HS3ST4: variants seen among roughly 807,000 people sequenced by gnomAD.
HS3ST4 encodes the protein heparan sulfate glucosamine 3-O-sulfotransferase 4.
A neutral mutation model predicts 29.2 loss-of-function variants in HS3ST4; 17 were observed. The observed-to-expected ratio is 0.58, with a 90% CI of 0.40 to 0.87. HS3ST4 has a LOEUF of 0.87. HS3ST4 is among the 40% of genes least tolerant of loss of function. HS3ST4 has a pLI of 0.00. For missense variants in HS3ST4, 627 were observed against 634.5 expected (o/e 0.99, Z 0.13); for synonymous variants, 314 against 285.7 (o/e 1.10, Z -1.00).
At chr16:25,805,953 A>G (rs981505593) in intron 1 of HS3ST4, among the ~76,000 whole-genome samples, 13 of 152,082 alleles carry the variant, frequency 8.5e-5, no homozygotes, top group African/African-American at 2.9e-4. Flanking sequence ...AGAACATAAC[A>G]GTGTTTGGTT....
chr16:26,050,674 A>T (rs1180053312), intron 1 of HS3ST4, among the ~76,000 whole-genome samples: 1 of 152,084 alleles, frequency 6.6e-6, no homozygotes, highest in Non-Finnish European at 1.5e-5. Flanking sequence ...GAGCAATTTG[A>T]GCTCCTTGAG....
intron 1 of HS3ST4, among the ~76,000 whole-genome samples, chr16:26,075,065 C>T (rs773444457): frequency 5.9e-5 from 9 of 152,082 alleles, no homozygotes; most frequent in East Asian, 5.8e-4. Context: ...TGGTGGTACG[C>T]GCCTGTAGTC....
At chr16:26,047,658 C>G (rs1212762108) in intron 1 of HS3ST4, among the ~76,000 whole-genome samples, 1 of 152,178 alleles carries the variant, frequency 6.6e-6, no homozygotes, top group Non-Finnish European at 1.5e-5. Flanking sequence ...GTCTCCAAAG[C>G]CCTGTTTTCT....
intron 1 of HS3ST4, among the ~76,000 whole-genome samples, chr16:25,735,643 G>C (rs1429931119): frequency 1.3e-5 from 2 of 152,080 alleles, no homozygotes; most frequent in Non-Finnish European, 2.9e-5. Flanking sequence ...CTCCTGCCGT[G>C]GCCTCCCTAA....
intron 1 of HS3ST4, among the ~76,000 whole-genome samples, chr16:26,071,271 A>C (rs7186008): frequency 0.14 from 21,681 of 152,084 alleles, 1,714 homozygotes; most frequent in Non-Finnish European, 0.17. Flanking sequence ...TGAGGGAGAA[A>C]GGGGTCAGGT....
chr16:25,815,513 G>A lies in HS3ST4; in HGVS notation c.734+122362G>A, dbSNP rs975705294. Among the ~76,000 whole-genome samples, 10 of 152,136 alleles carry A rather than the reference G, an allele frequency of 6.6e-5. No homozygotes were observed. The South Asian group carries it at 1.5e-3, about 22-fold the overall frequency. On this transcript the variant is annotated intron_variant, in intron 1 of 1. Transcript: ENST00000331351. ...TAATTTTTGTACTTTTAGTAGAGAC[G>A]GGATTTCACCTTGTTGGCCAGGCTA...
At chr16:25,736,872 G>A (rs1966613414) in intron 1 of HS3ST4, among the ~76,000 whole-genome samples, 1 of 151,668 alleles carries the variant, frequency 6.6e-6, no homozygotes, top group Admixed American at 6.6e-5. Flanking sequence ...TTTTGGGGAT[G>A]GAGTCTCACA....
At chr16:25,895,157 G>A (rs1224200066) in intron 1 of HS3ST4, among the ~76,000 whole-genome samples, 1 of 152,032 alleles carries the variant, frequency 6.6e-6, no homozygotes, top group East Asian at 1.9e-4. Flanking sequence ...GTGTGTGTGT[G>A]TGTGCTCACA....
intron 1 of HS3ST4, among the ~76,000 whole-genome samples, chr16:25,769,691 C>T (rs1404308620): frequency 6.6e-6 from 1 of 152,194 alleles, no homozygotes; most frequent in Non-Finnish European, 1.5e-5. Context: ...GCTGTTAGTA[C>T]TTGAAGTACA....
chr16:26,000,516 C>T (rs552425314), intron 1 of HS3ST4, among the ~76,000 whole-genome samples: 5 of 152,160 alleles, frequency 3.3e-5, no homozygotes, highest in Non-Finnish European at 7.4e-5. Flanking sequence ...CTTGTATTGG[C>T]CAGCCCTGGT....
chr16:26,132,539 G>A (rs1899434179), intron 1 of HS3ST4, among the ~76,000 whole-genome samples: 1 of 152,082 alleles, frequency 6.6e-6, no homozygotes, highest in Admixed American at 6.6e-5. Context: ...CATCTACTCT[G>A]CTAAATCTAC....
rs191023234 is a variant in HS3ST4, at chr16:26,033,937, G to A, written c.735-101675G>A. On this transcript the variant is annotated intron_variant, in intron 1 of 1. Transcript: ENST00000331351. ...GATTATGTGAACAAAGAAAGGAAAT[G>A]TGGTTGGTAAGAGAACACTTTGCAT... 2.0e-5 allele frequency among the ~76,000 whole-genome samples: 3 copies of A among 152,296 alleles called. No homozygotes were observed. In the East Asian group the frequency reaches 5.8e-4, roughly 29 times the overall value.
chr16:25,729,671 C>T (rs985845533), intron 1 of HS3ST4, among the ~76,000 whole-genome samples: 3 of 152,126 alleles, frequency 2.0e-5, no homozygotes, highest in African/African-American at 7.2e-5. Context: ...CTTCTTTTCC[C>T]TGAGTTATTA....
At chr16:25,842,634 TAATTAGG>T (rs1967427057) in intron 1 of HS3ST4, among the ~76,000 whole-genome samples, 1 of 152,174 alleles carries the variant, frequency 6.6e-6, no homozygotes, top group Admixed American at 6.5e-5. Flanking sequence ...TATTAGGAAG[TAATTAGG>T]AAGTATGGGT....
intron 1 of HS3ST4, among the ~76,000 whole-genome samples, chr16:25,952,892 T>C (rs1968695576): frequency 6.7e-6 from 1 of 148,656 alleles, no homozygotes; most frequent in Non-Finnish European, 1.5e-5. Context: ...TTCTATGAGT[T>C]TGCAGTGTCC....
At chr16:25,794,100 C>A (rs1235162944) in intron 1 of HS3ST4, among the ~76,000 whole-genome samples, 1 of 151,906 alleles carries the variant, frequency 6.6e-6, no homozygotes, top group African/African-American at 2.4e-5. Context: ...TTTTCTTGAC[C>A]AGTCTTGGAT....
intron 1 of HS3ST4, among the ~76,000 whole-genome samples, chr16:26,094,903 T>C (rs943331423): frequency 2.7e-5 from 4 of 150,224 alleles, no homozygotes; most frequent in Non-Finnish European, 4.4e-5. Context: ...AGGCTCAAAA[T>C]AAAGGGATGG....
chr16:25,869,070 A>G (rs1477697410), intron 1 of HS3ST4, among the ~76,000 whole-genome samples: 1 of 152,146 alleles, frequency 6.6e-6, no homozygotes, highest in African/African-American at 2.4e-5. Context: ...TGTAAGAATG[A>G]TAGCAGTAAT....
At chr16:26,095,915 C>T (rs4553635) in intron 1 of HS3ST4, among the ~76,000 whole-genome samples, 82,075 of 151,594 alleles carry the variant, frequency 0.54, 22,906 homozygotes, top group African/African-American at 0.68. Flanking sequence ...ATAGATGCAA[C>T]AAAAAATGAT....
Sources: gnomAD v4.1 joint callset for allele counts (sites outside exome capture counted in the v4.1 genomes callset) on GRCh38, gnomAD v4.1.1 for gene constraint, MANE v1.5 for transcripts, NCBI Gene and HGNC (gene_info 2026-07-23, HGNC 2026-07-21) for gene names.